The following GSK3B variants were observed in gnomAD, a reference collection of about 807,000 sequenced individuals.
GSK3B encodes the protein glycogen synthase kinase-3 beta.
In GSK3B, 15 loss-of-function variants were observed where a neutral mutation model predicts 56.4. That is an observed-to-expected ratio of 0.27 (90% CI 0.18 to 0.41). The LOEUF is 0.41. Ranked by LOEUF, GSK3B falls within the 10% of genes least tolerant of loss-of-function variation. GSK3B has a pLI of 1.00. For missense variants in GSK3B, 300 were observed against 513.4 expected (o/e 0.58, Z 4.02); for synonymous variants, 181 against 188.9 (o/e 0.96, Z 0.34).
intron 2 of GSK3B, among the ~76,000 whole-genome samples, chr3:119,990,608 C>T (rs1370804046): frequency 6.6e-6 from 1 of 152,226 alleles, no homozygotes; most frequent in Non-Finnish European, 1.5e-5. Context: ...TTTCCTCATT[C>T]TCCAAAATGC....
intron 2 of GSK3B, among the ~76,000 whole-genome samples, chr3:119,990,998 T>A (rs1240033691): frequency 6.6e-6 from 1 of 152,168 alleles, no homozygotes; most frequent in Non-Finnish European, 1.5e-5. Context: ...ACAATAGTGA[T>A]ACCTCACATC....
intron 2 of GSK3B, among the ~76,000 whole-genome samples, chr3:119,979,959 G>A (rs2057444327): frequency 6.6e-6 from 1 of 151,914 alleles, no homozygotes; most frequent in East Asian, 1.9e-4. Context: ...TCACCTGAAG[G>A]TCAATAATCC....
chr3:119,898,204 A>T (rs2056589599), intron 7 of GSK3B, among the ~76,000 whole-genome samples: 1 of 152,172 alleles, frequency 6.6e-6, no homozygotes, highest in Non-Finnish European at 1.5e-5. Flanking sequence ...TAACCTATTA[A>T]ATATTGTCTT....
At chr3:119,973,984 G>A (rs2057390386) in intron 2 of GSK3B, among the ~76,000 whole-genome samples, 1 of 152,144 alleles carries the variant, frequency 6.6e-6, no homozygotes, top group Admixed American at 6.6e-5. Flanking sequence ...AGACTTAACT[G>A]TAAAATGAAA....
intron 1 of GSK3B, among the ~76,000 whole-genome samples, chr3:120,055,619 A>G (rs533024842): frequency 2.0e-5 from 3 of 152,314 alleles, no homozygotes; most frequent in African/African-American, 7.2e-5. Context: ...CAAGAAAATA[A>G]GGGAATATAC....
chr3:120,068,526 C>A (rs1474490843), intron 1 of GSK3B, among the ~76,000 whole-genome samples: 3 of 151,658 alleles, frequency 2.0e-5, no homozygotes, highest in Admixed American at 2.0e-4. Context: ...CATGGTGAAA[C>A]CCCGTCCCTA....
At chr3:119,930,123 A>ACACACACACG (rs1263643512) in intron 3 of GSK3B, among the ~76,000 whole-genome samples, 14 of 136,992 alleles carry the variant, frequency 1.0e-4, no homozygotes, top group African/African-American at 2.8e-4. Flanking sequence ...ACACACACAC[A>ACACACACACG]CGTGCGCATG....
At chr3:120,012,812 T>A (rs1335841981) in intron 1 of GSK3B, among the ~76,000 whole-genome samples, 1 of 152,142 alleles carries the variant, frequency 6.6e-6, no homozygotes, top group Admixed American at 6.5e-5. Context: ...TAGTTAACAC[T>A]AGAGGCACAA....
intron 2 of GSK3B, among the ~76,000 whole-genome samples, chr3:119,954,716 T>C (rs1057083378): frequency 8.5e-5 from 13 of 152,178 alleles, no homozygotes; most frequent in African/African-American, 3.1e-4. Context: ...CATTAACATA[T>C]ATCCACCTCT....
intron 7 of GSK3B, among the ~76,000 whole-genome samples, chr3:119,889,785 A>G (rs1318290792): frequency 6.6e-6 from 1 of 152,144 alleles, no homozygotes; most frequent in Non-Finnish European, 1.5e-5. Context: ...ACACCTAACT[A>G]TATGTCTGTA....
intron 2 of GSK3B, among the ~76,000 whole-genome samples, chr3:119,966,188 C>T (rs1185611128): frequency 1.3e-5 from 2 of 152,142 alleles, no homozygotes; most frequent in African/African-American, 4.8e-5. Context: ...TTAGTTCACA[C>T]TTGATCTTGT....
chr3:119,936,247 C>T (rs2056992123), intron 3 of GSK3B, among the ~76,000 whole-genome samples: 1 of 149,386 alleles, frequency 6.7e-6, no homozygotes, highest in Admixed American at 6.7e-5. Flanking sequence ...AGACTCTAGC[C>T]AGAACGGTGT....
At chr3:119,835,455 TA>T (rs2055676315) in intron 10 of GSK3B, among the ~76,000 whole-genome samples, 1 of 152,230 alleles carries the variant, frequency 6.6e-6, no homozygotes, top group African/African-American at 2.4e-5. Context: ...TTAACTATGG[TA>T]TAGCCTTAGG....
chr3:119,876,751 C>T (rs2056319171), intron 7 of GSK3B, among the ~76,000 whole-genome samples: 1 of 152,118 alleles, frequency 6.6e-6, no homozygotes, highest in Non-Finnish European at 1.5e-5. Flanking sequence ...AATGGCTCTG[C>T]CCTTGTGAAT....
chr3:119,838,960 T>C (rs1395593977), intron 10 of GSK3B, among the ~76,000 whole-genome samples: 1 of 152,138 alleles, frequency 6.6e-6, no homozygotes, highest in Non-Finnish European at 1.5e-5. Context: ...AAAAGGAAAG[T>C]TGAAACATCT....
At chr3:120,018,339 C>T (rs918610817) in intron 1 of GSK3B, among the ~76,000 whole-genome samples, 7 of 152,144 alleles carry the variant, frequency 4.6e-5, no homozygotes, top group Admixed American at 2.6e-4. Context: ...ATACAGAGGG[C>T]CAACTTTCTA....
At chr3:119,985,260 C>T (rs2057504882) in intron 2 of GSK3B, among the ~76,000 whole-genome samples, 1 of 152,102 alleles carries the variant, frequency 6.6e-6, no homozygotes, top group Admixed American at 6.5e-5. Flanking sequence ...GGAAGCATTC[C>T]CTTTGAAAAC....
intron 1 of GSK3B, among the ~76,000 whole-genome samples, chr3:120,013,493 C>T (rs1398792802): frequency 6.6e-6 from 1 of 152,134 alleles, no homozygotes; most frequent in Non-Finnish European, 1.5e-5. Flanking sequence ...CTCTGGTGAC[C>T]TTGCTGTGGA....
intron 2 of GSK3B, among the ~76,000 whole-genome samples, chr3:119,994,418 T>C (rs1405989501): frequency 6.6e-6 from 1 of 152,188 alleles, no homozygotes; most frequent in Non-Finnish European, 1.5e-5. Context: ...AACTCATTAA[T>C]GCATACTAAA....
Sources: gnomAD v4.1 joint callset for allele counts (sites outside exome capture counted in the v4.1 genomes callset) on GRCh38, gnomAD v4.1.1 for gene constraint, MANE v1.5 for transcripts, NCBI Gene and HGNC (gene_info 2026-07-23, HGNC 2026-07-21) for gene names.